The following CCDC81 variants were observed in gnomAD, a reference collection of about 807,000 sequenced individuals.
CCDC81 encodes the protein coiled-coil domain containing 81.
In CCDC81, 79 loss-of-function variants were observed where a neutral mutation model predicts 83.7. The observed-to-expected ratio is 0.94, with a 90% CI of 0.79 to 1.14. The LOEUF (loss-of-function observed/expected upper bound fraction) is 1.14. CCDC81 is among the 50% of genes most tolerant of loss of function. The probability of loss-of-function intolerance (pLI) is 0.00; values close to 1 mark genes in which losing one functional copy is unlikely to be tolerated. For synonymous variants in CCDC81, 252 were observed against 278.1 expected (o/e 0.91, Z 0.93); for missense variants, 791 against 778.1 (o/e 1.02, Z -0.20).
chr11:86,375,381 T>G, intron 1 of CCDC81, 139 bp downstream of exon 1: 10 of 664,546 alleles, frequency 1.5e-5, no homozygotes, highest in African/African-American at 3.6e-5. Flanking sequence ...AACCAGCTGG[T>G]AATCACATCC....
chr11:86,415,719 G>A (rs1948710162), intron 13 of CCDC81, among the ~76,000 whole-genome samples: 1 of 152,092 alleles, frequency 6.6e-6, no homozygotes, highest in African/African-American at 2.4e-5. Context: ...TGTCACCCAG[G>A]CTGGAGTGCA....
At chr11:86,380,253 C>T (rs1266847807) in intron 1 of CCDC81, among the ~76,000 whole-genome samples, 1 of 152,094 alleles carries the variant, frequency 6.6e-6, no homozygotes, top group Non-Finnish European at 1.5e-5. Flanking sequence ...TTTTTCTCAA[C>T]ACTTGAAATG....
chr11:86,412,044 G>T (rs1948649698), intron 10 of CCDC81, among the ~76,000 whole-genome samples: 1 of 152,090 alleles, frequency 6.6e-6, no homozygotes, highest in Admixed American at 6.5e-5. Context: ...ACTTTTAGTT[G>T]GTCAAGGAGA....
intron 11 of CCDC81, among the ~76,000 whole-genome samples, chr11:86,413,438 T>C (rs1455154405): frequency 6.6e-6 from 1 of 152,140 alleles, no homozygotes; most frequent in Non-Finnish European, 1.5e-5. Context: ...CCAGGGACCA[T>C]GTCCTAGGGT....
Position 86,408,210 on chromosome 11 carries a change from T to C in CCDC81, c.1053T>C (p.Asp351=). Reference sequence around the variant, plus strand: ...AGGAAAGGAGGAGAGAGATAGAAGATGAGAGACTCATACAGCAGTATCAGA... The same window carrying C: ...AGGAAAGGAGGAGAGAGATAGAAGACGAGAGACTCATACAGCAGTATCAGA... The part of the protein sequence containing the change: ...YSEERRREIE[D]ERLIQQYQML... The change falls in exon 9 of 15, where the codon GAT becomes GAC. Residue 351 remains aspartate (D), a synonymous_variant. Coordinates refer to ENST00000445632, the MANE Select transcript of CCDC81 (RefSeq NM_001156474.2). The C allele has an allele frequency of 6.2e-7, 1 of 1,614,090 alleles. No homozygotes were observed.
intron 5 of CCDC81, 25 bp downstream of exon 5, chr11:86,395,438 C>T: frequency 6.3e-7 from 1 of 1,594,044 alleles, no homozygotes. Context: ...TCACGGGTTC[C>T]TCTAGGCACT....
At chr11:86,394,683 G>C (rs192818571) in intron 4 of CCDC81, among the ~76,000 whole-genome samples, 45 of 152,008 alleles carry the variant, frequency 3.0e-4, no homozygotes, top group African/African-American at 9.4e-4. Context: ...CACTTCAAAG[G>C]CTTTTGTAAG....
chr11:86,378,640 A>G (rs1385507373), intron 1 of CCDC81, among the ~76,000 whole-genome samples: 1 of 152,156 alleles, frequency 6.6e-6, no homozygotes, highest in Non-Finnish European at 1.5e-5. Flanking sequence ...GCTTAATGTA[A>G]TTTGACATAC....
In CCDC81 at chr11:86,386,069, G is replaced by A. The variant is rs768790448; in HGVS notation, c.98G>A (p.Gly33Glu). 5.4e-5 allele frequency: 82 copies of A among 1,524,258 alleles called. No homozygotes were observed. The highest frequency in any genetic ancestry group is 1.8e-4 in the Middle Eastern group (1 of 5,560). 94.4% of individuals were successfully genotyped at this position (1,524,258 alleles called of 1,614,324 possible). A position where few individuals can be genotyped will look rare whatever the true frequency, so the allele number is the denominator to read the frequency against. Residue 33 changes from glycine to glutamate, a missense_variant, in exon 2 of 15, where the codon GGG becomes GAG. By Grantham distance (98) the Gly-to-Glu change is moderately conservative. Coordinates refer to ENST00000445632, the MANE Select transcript of CCDC81 (RefSeq NM_001156474.2). ...LSQEEVSIIWGNVSEFVRRQL... is the reference protein window; with the variant it reads ...LSQEEVSIIWENVSEFVRRQL... ...ATTTCAGAAGTCTCTATTATCTGGG[G>A]GAATGTATCAGAATTTGTGAGACGG...
chr11:86,418,177 G>A (rs1025318968), intron 13 of CCDC81, among the ~76,000 whole-genome samples: 1 of 152,118 alleles, frequency 6.6e-6, no homozygotes, highest in Non-Finnish European at 1.5e-5. Context: ...GAGATACCAT[G>A]TCACATCCAT....
intron 10 of CCDC81, among the ~76,000 whole-genome samples, chr11:86,411,566 C>T (rs1287169083): frequency 6.6e-6 from 1 of 152,180 alleles, no homozygotes; most frequent in Non-Finnish European, 1.5e-5. Flanking sequence ...TCTAGAATGG[C>T]CAGGCCCACA....
chr11:86,380,681 C>G (rs1948165183), intron 1 of CCDC81, among the ~76,000 whole-genome samples: 1 of 152,102 alleles, frequency 6.6e-6, no homozygotes, highest in Non-Finnish European at 1.5e-5. Context: ...CATCTTCAAG[C>G]TCAGAGATTT....
At chr11:86,389,050 G>A (rs1948287328) in intron 3 of CCDC81, among the ~76,000 whole-genome samples, 1 of 152,098 alleles carries the variant, frequency 6.6e-6, no homozygotes, top group Non-Finnish European at 1.5e-5. Context: ...CAGAATTTTG[G>A]AGGCTAAGGA....
chr11:86,405,762 G>A (rs975975580), intron 7 of CCDC81, among the ~76,000 whole-genome samples: 6 of 150,212 alleles, frequency 4.0e-5, no homozygotes, highest in African/African-American at 1.2e-4. Context: ...AATTTCTTTG[G>A]TCACCATCAT....
At chr11:86,411,744 T>C (rs1439956281) in intron 10 of CCDC81, among the ~76,000 whole-genome samples, 5 of 152,242 alleles carry the variant, frequency 3.3e-5, no homozygotes, top group Admixed American at 1.3e-4. Flanking sequence ...CAGTTGAAAC[T>C]GACCCAATAG....
At chr11:86,392,917 T>TACTGAA (rs1175087412) in intron 4 of CCDC81, 120 bp downstream of exon 4, 1 of 1,067,170 alleles carries the variant, frequency 9.4e-7, no homozygotes, top group African/African-American at 1.6e-5. Context: ...TTACCTGAAG[T>TACTGAA]ACATGGAAGT....
intron 6 of CCDC81, among the ~76,000 whole-genome samples, chr11:86,399,943 C>T (rs1003732182): frequency 4.0e-5 from 6 of 150,236 alleles, no homozygotes; most frequent in Admixed American, 6.6e-5. Flanking sequence ...GCCGACATGG[C>T]GAAACCCCAT....
intron 13 of CCDC81, among the ~76,000 whole-genome samples, chr11:86,416,520 C>T (rs993404256): frequency 6.6e-6 from 1 of 152,148 alleles, no homozygotes; most frequent in Non-Finnish European, 1.5e-5. Context: ...ATGACTTGGG[C>T]CAGATCACAT....
rs745740953 is a variant in CCDC81, at chr11:86,392,561, C to T, written c.319C>T (p.Leu107Phe). ...TTTAGGTGAAATCCCAATTGTTCCA[C>T]TTAATTTTGTCATGATATCCCTGGA... ...YTPGEIPIVP[L>F]NFVMISLEGP... is the part of the protein sequence containing the mutation. The change falls in exon 4 of 15, where the codon CTT becomes TTT. Residue 107 changes from leucine to phenylalanine, a missense_variant. Leu to Phe is a conservative substitution (Grantham distance 22). Coordinates refer to ENST00000445632, the MANE Select transcript of CCDC81 (RefSeq NM_001156474.2). The T allele has an allele frequency of 6.4e-7, 1 of 1,551,388 alleles. No individual in the cohort carries two copies. The highest frequency in any genetic ancestry group is 2.4e-5 in the East Asian group (1 of 40,902).
Sources: gnomAD v4.1 joint callset for allele counts (sites outside exome capture counted in the v4.1 genomes callset) on GRCh38, gnomAD v4.1.1 for gene constraint, MANE v1.5 for transcripts, NCBI Gene and HGNC (gene_info 2026-07-23, HGNC 2026-07-21) for gene names.